Variants in ZNF704 observed in about 807,000 individuals in gnomAD.
ZNF704 encodes zinc finger protein 704.
A neutral mutation model predicts 44.7 loss-of-function variants in ZNF704; 10 were observed. That is an observed-to-expected ratio of 0.22 (90% CI 0.14 to 0.38). The LOEUF is 0.38. Among genes scored for constraint, ZNF704 ranks in the 10% least tolerant of loss-of-function variants. The probability of loss-of-function intolerance (pLI) is 1.00; values close to 1 mark genes in which losing one functional copy is unlikely to be tolerated. For synonymous variants in ZNF704, 211 were observed against 207.6 expected (o/e 1.02, Z -0.14); for missense variants, 390 against 545.5 (o/e 0.71, Z 2.84).
chr8:80,860,684 G>A (rs1422792129), intron 1 of ZNF704, among the ~76,000 whole-genome samples: 1 of 152,086 alleles, frequency 6.6e-6, no homozygotes, highest in Non-Finnish European at 1.5e-5. Flanking sequence ...AAGATCTTCT[G>A]TCCCAAAAAC....
intron 2 of ZNF704, among the ~76,000 whole-genome samples, chr8:80,755,329 C>T (rs1489119249): frequency 1.3e-5 from 2 of 152,082 alleles, no homozygotes; most frequent in African/African-American, 4.8e-5. Context: ...GTGGTGGGTG[C>T]CTGTAATCCC....
chr8:80,672,329 TTA>T (rs1818295075), intron 4 of ZNF704, among the ~76,000 whole-genome samples: 1 of 152,150 alleles, frequency 6.6e-6, no homozygotes, highest in Non-Finnish European at 1.5e-5. Flanking sequence ...GGAGTGTGAA[TTA>T]GTTCAGCCAC....
chr8:80,648,316 G>C (rs895416559), intron 7 of ZNF704, among the ~76,000 whole-genome samples: 1 of 152,160 alleles, frequency 6.6e-6, no homozygotes, highest in African/African-American at 2.4e-5. Context: ...CTGGAGTTCA[G>C]TACATGCATT....
intron 1 of ZNF704, among the ~76,000 whole-genome samples, chr8:80,863,594 T>C (rs1809105441): frequency 6.6e-6 from 1 of 152,188 alleles, no homozygotes; most frequent in Non-Finnish European, 1.5e-5. Flanking sequence ...GGGATAATAA[T>C]ATCCACCTCT....
At chr8:80,643,516 CAAAAAAAAAAAAAAAAAA>C (rs1174433192) in intron 7 of ZNF704, among the ~76,000 whole-genome samples, 1 of 23,384 alleles carries the variant, frequency 4.3e-5, no homozygotes, top group Non-Finnish European at 1.0e-4. Context: ...GATCCTGTCT[CAAAAAAAAAAAAAAAAAA>C]AAAAAAAAAA....
chr8:80,751,963 C>G (rs1806951917), intron 2 of ZNF704, among the ~76,000 whole-genome samples: 1 of 152,074 alleles, frequency 6.6e-6, no homozygotes, highest in African/African-American at 2.4e-5. Context: ...AGGCTGGTCT[C>G]AAACTCCTGA....
chr8:80,750,867 C>T (rs1218421402), intron 2 of ZNF704, among the ~76,000 whole-genome samples: 1 of 152,116 alleles, frequency 6.6e-6, no homozygotes, highest in African/African-American at 2.4e-5. Flanking sequence ...GCTCAAAAGC[C>T]ATGTGTGGCT....
chr8:80,824,719 G>A (rs1221245461), intron 1 of ZNF704, among the ~76,000 whole-genome samples: 1 of 152,230 alleles, frequency 6.6e-6, no homozygotes, highest in African/African-American at 2.4e-5. Flanking sequence ...GACTAACAGT[G>A]TATCTCTCGG....
rs918363885 is a variant in ZNF704 at position 80,630,354 on chromosome 8, A to G, written c.*11012T>C. 1 of 152,218 alleles carries G rather than the reference A, an allele frequency of 6.6e-6. No homozygotes were observed. The highest frequency in any genetic ancestry group is 1.5e-5 in the Non-Finnish European group (1 of 68,038). The allele number at this position is 152,218 out of a possible 1,614,324, so 9.4% of individuals were successfully genotyped here. ...ACATGTGAATGCCTGTCATTTCCAC[A>G]CGAGTGTCACACAGGAAGGACTGCT... On this transcript the variant is annotated 3_prime_UTR_variant, in exon 9 of 9. Transcript: ENST00000327835.
intron 2 of ZNF704, among the ~76,000 whole-genome samples, chr8:80,810,402 A>C (rs1229223806): frequency 6.6e-6 from 1 of 152,254 alleles, no homozygotes; most frequent in Non-Finnish European, 1.5e-5. Flanking sequence ...TGTACTTAGA[A>C]GTCTTTAAAA....
intron 7 of ZNF704, among the ~76,000 whole-genome samples, chr8:80,648,513 T>C (rs1042171160): frequency 2.6e-5 from 4 of 152,190 alleles, no homozygotes; most frequent in African/African-American, 7.2e-5. Flanking sequence ...ATTCAGTGCT[T>C]GCGAATGTGA....
chr8:80,691,630 C>G (rs1431994935), intron 3 of ZNF704, among the ~76,000 whole-genome samples: 2 of 152,144 alleles, frequency 1.3e-5, no homozygotes. Flanking sequence ...ACATAACTCT[C>G]TCATGATGAT....
chr8:80,873,038 A>G (rs1162542185), intron 1 of ZNF704, among the ~76,000 whole-genome samples: 2 of 152,318 alleles, frequency 1.3e-5, no homozygotes, highest in African/African-American at 4.8e-5. Context: ...ATGGAAACTC[A>G]TCGACAATTG....
intron 6 of ZNF704, among the ~76,000 whole-genome samples, chr8:80,663,548 TG>T (rs1818135650): frequency 6.6e-6 from 1 of 151,316 alleles, no homozygotes; most frequent in African/African-American, 2.4e-5. Context: ...GGAAGAGGGG[TG>T]GTCCCAAGAA....
rs1817551772 is a variant in ZNF704 at position 80,629,540 on chromosome 8, G to A, written c.*11826C>T. The A allele has an allele frequency of 6.6e-6, 1 of 152,116 alleles. No homozygotes were observed. The highest frequency in any genetic ancestry group is 2.4e-5 in the African/African-American group (1 of 41,426). 9.4% of individuals were successfully genotyped at this position (152,116 alleles called of 1,614,324 possible). A position where few individuals can be genotyped will look rare whatever the true frequency, so the allele number is the denominator to read the frequency against. The stretch of plus-strand genomic sequence containing the variant: ...AGGAAAAGATATTTTTTCAGGCTGA[G>A]TAATGTAGTAAAGCACTGATTAAAG... On this transcript the variant is annotated 3_prime_UTR_variant, in exon 9 of 9. Coordinates refer to ENST00000327835, the MANE Select transcript of ZNF704 (RefSeq NM_001033723.3).
At chr8:80,737,952 G>A (rs1390635772) in intron 2 of ZNF704, among the ~76,000 whole-genome samples, 3 of 152,090 alleles carry the variant, frequency 2.0e-5, no homozygotes, top group African/African-American at 4.8e-5. Flanking sequence ...ATTGCATTTA[G>A]TTGGCATGTT....
intron 2 of ZNF704, among the ~76,000 whole-genome samples, chr8:80,709,550 G>C (rs1317741932): frequency 2.6e-5 from 4 of 151,804 alleles, no homozygotes; most frequent in African/African-American, 7.3e-5. Context: ...GGACTTACTG[G>C]GGAAGGTGCC....
chr8:80,728,463 G>T (rs1806521796), intron 2 of ZNF704, among the ~76,000 whole-genome samples: 1 of 152,192 alleles, frequency 6.6e-6, no homozygotes, highest in South Asian at 2.1e-4. Flanking sequence ...ATTTCTCACT[G>T]CATTAGACAT....
At chr8:80,860,988 T>C (rs1161386141) in intron 1 of ZNF704, among the ~76,000 whole-genome samples, 2 of 152,148 alleles carry the variant, frequency 1.3e-5, no homozygotes, top group Non-Finnish European at 2.9e-5. Context: ...ACTTAGAAAC[T>C]TGAAGTGGGT....
Sources: allele counts gnomAD v4.1 joint callset (sites outside exome capture counted in the v4.1 genomes callset), GRCh38; gene constraint gnomAD v4.1.1; transcripts MANE v1.5; gene names NCBI Gene and HGNC (gene_info 2026-07-23, HGNC 2026-07-21).